Variants in TRAK2 observed in about 807,000 individuals in gnomAD.
TRAK2 encodes the protein trafficking kinesin protein 2.
Under a neutral mutation model 104.6 loss-of-function variants are expected in TRAK2, and 81 were observed. The ratio of observed to expected loss-of-function variants is 0.77; its 90% CI spans 0.65 to 0.93. The LOEUF (loss-of-function observed/expected upper bound fraction) is 0.93, where lower values mean the gene tolerates loss of function less well. Ranked by LOEUF, TRAK2 falls within the 40% of genes least tolerant of loss-of-function variation. The pLI is 0.00. For missense variants in TRAK2, 1,002 were observed against 1,089.0 expected (o/e 0.92, Z 1.12); for synonymous variants, 406 against 394.4 (o/e 1.03, Z -0.35).
At chr2:201,432,152 C>G (rs1159227892) in intron 1 of TRAK2, among the ~76,000 whole-genome samples, 1 of 152,210 alleles carries the variant, frequency 6.6e-6, no homozygotes, top group Non-Finnish European at 1.5e-5. Context: ...ATAGCATCTT[C>G]TTTCAACCTA....
At chr2:201,404,781 C>T (rs1034809848) in intron 3 of TRAK2, among the ~76,000 whole-genome samples, 1 of 152,158 alleles carries the variant, frequency 6.6e-6, no homozygotes, top group African/African-American at 2.4e-5. Flanking sequence ...AAAACAACAA[C>T]AAAATAGAAA....
In TRAK2 at chr2:201,389,163, A is replaced by G. The variant is rs1213470122; in HGVS notation, c.1397+137T>C. 14 of 833,318 alleles carry G rather than the reference A, an allele frequency of 1.7e-5. No individual in the cohort carries two copies. In the East Asian group the frequency reaches 3.3e-4, roughly 20 times the overall value. 51.6% of individuals were successfully genotyped at this position (833,318 alleles called of 1,614,324 possible). A position where few individuals can be genotyped will look rare whatever the true frequency, so the allele number is the denominator to read the frequency against. ...GATCTGTCTCATGAATAATGATACA[A>G]GGCATCATAAGTGAAGGAAAACTGA... On this transcript the variant is annotated intron_variant, in intron 12 of 15. Transcript: ENST00000332624.
chr2:201,434,839 T>C (rs1951869968), intron 1 of TRAK2, among the ~76,000 whole-genome samples: 1 of 152,220 alleles, frequency 6.6e-6, no homozygotes, highest in Non-Finnish European at 1.5e-5. Flanking sequence ...TTATGCTTTG[T>C]CCCATCATCC....
At chr2:201,407,736 T>C (rs1951607908) in intron 2 of TRAK2, 139 bp from the exon 3 acceptor site, 1 of 697,996 alleles carries the variant, frequency 1.4e-6, no homozygotes, top group East Asian at 3.0e-5. Context: ...CACTGATTTT[T>C]ATTAGTATAT....
chr2:201,411,190 G>A, intron 2 of TRAK2: 1 of 726,386 alleles, frequency 1.4e-6, no homozygotes, highest in Non-Finnish European at 2.5e-6. Context: ...TCCTTAGTCT[G>A]TTTAACAGCA....
intron 1 of TRAK2, among the ~76,000 whole-genome samples, chr2:201,429,294 AT>A (rs1364612744): frequency 1.3e-5 from 2 of 151,832 alleles, no homozygotes; most frequent in African/African-American, 4.8e-5. Context: ...TGCCCTTAAC[AT>A]TTTTTCCTTC....
At chr2:201,442,493 T>C (rs1406028163) in intron 1 of TRAK2, among the ~76,000 whole-genome samples, 2 of 152,166 alleles carry the variant, frequency 1.3e-5, no homozygotes, top group South Asian at 2.1e-4. Context: ...ATTTTCTAAA[T>C]TGACTTGCAT....
At chr2:201,422,358 A>T (rs1221640739) in intron 1 of TRAK2, among the ~76,000 whole-genome samples, 1 of 152,234 alleles carries the variant, frequency 6.6e-6, no homozygotes, top group African/African-American at 2.4e-5. Context: ...TACTTAAAAA[A>T]ATCAGGAACT....
intron 1 of TRAK2, among the ~76,000 whole-genome samples, chr2:201,439,850 C>T (rs1182627364): frequency 2.1e-5 from 3 of 143,022 alleles, no homozygotes; most frequent in East Asian, 2.1e-4. Context: ...AACCAAACAC[C>T]GCATGTTCTC....
intron 1 of TRAK2, among the ~76,000 whole-genome samples, chr2:201,430,636 G>A (rs1388471462): frequency 1.3e-5 from 2 of 152,232 alleles, no homozygotes; most frequent in African/African-American, 2.4e-5. Context: ...GCCAGGCATG[G>A]GATATAATGT....
rs543696302 is a variant in TRAK2, at chr2:201,442,739, GT to G, written c.-200+8610del. Among the ~76,000 whole-genome samples the G allele has an allele frequency of 9.5e-4, 145 of 152,248 alleles. 2 individuals are homozygous for G. The South Asian group carries it at 0.011, about 12-fold the overall frequency. Reference sequence around the variant, plus strand: ...TCATTCCTCCCACTGATAAATCCATGTAATCTATAGCTAGCTTTCGCTCCAA... The same window carrying G: ...TCATTCCTCCCACTGATAAATCCATGAATCTATAGCTAGCTTTCGCTCCAA... On this transcript the variant is annotated intron_variant, in intron 1 of 15. Transcript: ENST00000332624.
rs1951483753 is a variant in TRAK2 at position 201,394,673 on chromosome 2, A to G, written c.975+125T>C. The stretch of plus-strand genomic sequence containing the variant: ...TTTACTTCTTAGATCTCATAATATC[A>G]TCTTAACCTTTTGTTGTTGTTTTTT... On this transcript the variant is annotated intron_variant, in intron 9 of 15. Transcript: ENST00000332624. The G allele has an allele frequency of 6.0e-6, 5 of 835,922 alleles. No homozygotes were observed. In the South Asian group the frequency reaches 7.0e-5, roughly 12 times the overall value. 51.8% of individuals were successfully genotyped at this position (835,922 alleles called of 1,614,324 possible). A position where few individuals can be genotyped will look rare whatever the true frequency, so the allele number is the denominator to read the frequency against.
chr2:201,434,148 G>A (rs1049830986), intron 1 of TRAK2, among the ~76,000 whole-genome samples: 2 of 152,084 alleles, frequency 1.3e-5, no homozygotes, highest in African/African-American at 4.8e-5. Context: ...TAGTAGAGAC[G>A]GGGTTTCACC....
At position 201,389,468 on chromosome 2, in the gene TRAK2, A is replaced by G. The variant is rs779786082; in HGVS notation, c.1229T>C (p.Ile410Thr). The change falls in exon 12 of 16, where the codon ATT (isoleucine) becomes ACT (threonine). Residue 410 changes from isoleucine (I) to threonine (T), a missense_variant. Transcript: ENST00000332624. ...QQKRVFDTVRIANDTRGRSIS... is the reference protein window; with the variant it reads ...QQKRVFDTVRTANDTRGRSIS... Reference sequence around the variant, plus strand: ...AGAGCGGCCCCGTGTGTCATTGGCAATCCTGACGGTATCAAATACCCGCTT... The same window carrying G: ...AGAGCGGCCCCGTGTGTCATTGGCAGTCCTGACGGTATCAAATACCCGCTT... 8 of 1,614,122 alleles carry G rather than the reference A, an allele frequency of 5.0e-6. No homozygotes were observed. The highest frequency in any genetic ancestry group is 2.2e-5 in the South Asian group (2 of 91,082).
At chr2:201,428,606 G>A (rs911552091) in intron 1 of TRAK2, among the ~76,000 whole-genome samples, 4 of 152,186 alleles carry the variant, frequency 2.6e-5, no homozygotes, top group African/African-American at 9.7e-5. Context: ...GTAGCATGAT[G>A]CCTCCAGCTT....
rs893441739 is a variant in TRAK2, at chr2:201,447,019, AT to A, written c.-200+4330del. 6.6e-6 allele frequency among the ~76,000 whole-genome samples: 1 copy of A among 152,226 alleles called. No homozygotes were observed. The highest frequency in any genetic ancestry group is 2.4e-5 in the African/African-American group (1 of 41,456). ...AACAGTGGCTCTGTTTTAGTTAGACATTTCAATATTCTGGGAAAACTGTTAG... is the reference window on the plus strand; with the variant it reads ...AACAGTGGCTCTGTTTTAGTTAGACATTCAATATTCTGGGAAAACTGTTAG... On this transcript the variant is annotated intron_variant, in intron 1 of 15. Coordinates refer to ENST00000332624, the MANE Select transcript of TRAK2 (RefSeq NM_015049.3). This position sits in a 1 kb window ranked among gnomAD's most constrained non-coding sequence, Gnocchi z 4.1.
At chr2:201,446,455 AAC>A (rs1233944920) in intron 1 of TRAK2, among the ~76,000 whole-genome samples, 1 of 152,198 alleles carries the variant, frequency 6.6e-6, no homozygotes, top group Non-Finnish European at 1.5e-5. Flanking sequence ...TCTTCTCTAA[AAC>A]AGTTTTTAAA....
At chr2:201,451,173 G>C (rs1383867830) in intron 1 of TRAK2, among the ~76,000 whole-genome samples, 177 bp downstream of exon 1, 2 of 152,198 alleles carry the variant, frequency 1.3e-5, no homozygotes, top group African/African-American at 4.8e-5. Flanking sequence ...CCCACACTTA[G>C]GAAACAACCC....
chr2:201,420,317 G>T, intron 2 of TRAK2, 100 bp downstream of exon 2: 1 of 945,102 alleles, frequency 1.1e-6, no homozygotes, highest in Non-Finnish European at 1.7e-6. Context: ...TAGAAAGGGA[G>T]GCTTGGGTTT....
Sources: allele counts gnomAD v4.1 joint callset (sites outside exome capture counted in the v4.1 genomes callset), GRCh38; gene constraint gnomAD v4.1.1; non-coding constraint Gnocchi (gnomAD v3.1); transcripts MANE v1.5; gene names NCBI Gene and HGNC (gene_info 2026-07-23, HGNC 2026-07-21).